Variants in CD247 observed in about 807,000 individuals in gnomAD.
CD247 encodes T-cell surface glycoprotein CD3 zeta chain.
In CD247, 13 loss-of-function variants were observed where a neutral mutation model predicts 30.0. That is an observed-to-expected ratio of 0.43 (90% CI 0.28 to 0.69). The LOEUF (loss-of-function observed/expected upper bound fraction) is 0.69, where lower values mean the gene tolerates loss of function less well. CD247 is among the 30% of genes least tolerant of loss of function. The pLI is 0.16. For missense variants in CD247, 193 were observed against 212.6 expected (o/e 0.91, Z 0.57); for synonymous variants, 72 against 80.0 (o/e 0.90, Z 0.53).
intron 4 of CD247, among the ~76,000 whole-genome samples, chr1:167,435,715 A>G (rs1557992904): frequency 6.6e-6 from 1 of 152,362 alleles, no homozygotes; most frequent in East Asian, 1.9e-4. Flanking sequence ...GGACGCCCAC[A>G]CACATCACAA....
chr1:167,464,930 TAAC>T (rs898752741), intron 1 of CD247, among the ~76,000 whole-genome samples: 1 of 152,056 alleles, frequency 6.6e-6, no homozygotes, highest in African/African-American at 2.4e-5. Flanking sequence ...AAAAAACAAA[TAAC>T]AACAAAAAAA....
chr1:167,513,413 A>T (rs858552), intron 1 of CD247, among the ~76,000 whole-genome samples: 94,668 of 151,996 alleles, frequency 0.62, 30,821 homozygotes, highest in African/African-American at 0.81. Flanking sequence ...TTTGAAAAAA[A>T]TTTAATTAAA....
intron 1 of CD247, among the ~76,000 whole-genome samples, chr1:167,477,515 GT>G (rs375701446): frequency 2.0e-5 from 3 of 152,240 alleles, no homozygotes; most frequent in African/African-American, 7.2e-5. Context: ...GCTGTGAAGT[GT>G]TTTTTGTTTT....
intron 4 of CD247, among the ~76,000 whole-genome samples, chr1:167,437,859 T>C (rs1651621695): frequency 6.6e-6 from 1 of 152,242 alleles, no homozygotes; most frequent in Admixed American, 6.5e-5. Context: ...TAAGAGTAAG[T>C]TGCTAATGTT....
At chr1:167,516,567 G>A (rs1230651237) in intron 1 of CD247, among the ~76,000 whole-genome samples, 1 of 152,198 alleles carries the variant, frequency 6.6e-6, no homozygotes, top group Non-Finnish European at 1.5e-5. Context: ...GTCCCCTCAG[G>A]CAGCAAAAGC....
chr1:167,485,814 A>G (rs181342695), intron 1 of CD247, among the ~76,000 whole-genome samples: 48 of 152,180 alleles, frequency 3.2e-4, no homozygotes, highest in Non-Finnish European at 6.5e-4. Context: ...CCAAAACAAT[A>G]TGACTTTTAC....
chr1:167,495,368 A>T (rs144917963), intron 1 of CD247, among the ~76,000 whole-genome samples: 4 of 152,170 alleles, frequency 2.6e-5, no homozygotes, highest in Non-Finnish European at 5.9e-5. Flanking sequence ...ATACTCATAA[A>T]TGACAGAGGT....
At chr1:167,462,657 G>A (rs1047063718) in intron 1 of CD247, among the ~76,000 whole-genome samples, 5 of 152,172 alleles carry the variant, frequency 3.3e-5, no homozygotes, top group Non-Finnish European at 7.4e-5. Context: ...GGTTCCCGCC[G>A]CTGGGCCATT....
intron 1 of CD247, among the ~76,000 whole-genome samples, chr1:167,467,110 T>C (rs1259884720): frequency 1.3e-5 from 2 of 151,910 alleles, no homozygotes; most frequent in African/African-American, 4.8e-5. Context: ...AGTGCTGGGA[T>C]TACAGGCGTG....
intron 1 of CD247, among the ~76,000 whole-genome samples, chr1:167,510,545 T>G (rs953612563): frequency 3.9e-5 from 6 of 152,270 alleles, no homozygotes; most frequent in African/African-American, 1.4e-4. Flanking sequence ...GGGGAACAGG[T>G]TGCAACCTCT....
chr1:167,501,879 G>T (rs956624515), intron 1 of CD247, among the ~76,000 whole-genome samples: 7 of 152,242 alleles, frequency 4.6e-5, no homozygotes, highest in Non-Finnish European at 1.0e-4. Flanking sequence ...AGAGGAGCAC[G>T]CAGGTAGAAC....
intron 5 of CD247, chr1:167,434,924 C>G (rs1302631189): frequency 2.3e-6 from 1 of 429,340 alleles, no homozygotes; most frequent in Non-Finnish European, 4.6e-6. Context: ...TCCAGCCCTT[C>G]CTCCAGCCCT....
chr1:167,453,037 A>ATATATATATAT (rs61444607), intron 1 of CD247, among the ~76,000 whole-genome samples: 1 of 98,916 alleles, frequency 1.0e-5, no homozygotes, highest in African/African-American at 5.3e-5. Context: ...GATATATATT[A>ATATATATATAT]TATATATATA....
At chr1:167,450,246 A>C (rs1432089118) in intron 1 of CD247, among the ~76,000 whole-genome samples, 1 of 152,240 alleles carries the variant, frequency 6.6e-6, no homozygotes, top group East Asian at 1.9e-4. Flanking sequence ...CTGTAATCCC[A>C]ACACTTGGCG....
chr1:167,499,781 G>A (rs1293500332), intron 1 of CD247, among the ~76,000 whole-genome samples: 1 of 152,152 alleles, frequency 6.6e-6, no homozygotes, highest in Admixed American at 6.5e-5. Flanking sequence ...CCAGAAGAAT[G>A]GAATTCAAAC....
In CD247 at chr1:167,440,388, G is replaced by T. The variant is rs1022801853; in HGVS notation, c.162+276C>A. On this transcript the variant is annotated intron_variant, in intron 2 of 7. Coordinates refer to ENST00000362089, the MANE Select transcript of CD247 (RefSeq NM_198053.3). Reference sequence around the variant, plus strand: ...AAGCCCCTTTGTCACCAGTAGCATCGCCTTCCCTGGGACACTCTGATGTGC... The same window carrying T: ...AAGCCCCTTTGTCACCAGTAGCATCTCCTTCCCTGGGACACTCTGATGTGC... The T allele has an allele frequency of 3.0e-5, 15 of 502,378 alleles. No homozygotes were observed. In the Admixed American group the frequency reaches 4.9e-4, roughly 16 times the overall value. The allele number at this position is 502,378 out of a possible 1,614,324, so 31.1% of individuals were successfully genotyped here. A position where few individuals can be genotyped will look rare whatever the true frequency, so the allele number is the denominator to read the frequency against.
At chr1:167,470,586 C>T (rs1571556868) in intron 1 of CD247, among the ~76,000 whole-genome samples, 1 of 148,762 alleles carries the variant, frequency 6.7e-6, no homozygotes, top group Non-Finnish European at 1.5e-5. Flanking sequence ...CAAAAACCAA[C>T]CACTCAAACA....
chr1:167,490,657 G>A (rs1222322156), intron 1 of CD247, among the ~76,000 whole-genome samples: 3 of 152,072 alleles, frequency 2.0e-5, no homozygotes, highest in African/African-American at 4.8e-5. Context: ...TGAAGGTCGG[G>A]TACAGTGACT....
intron 6 of CD247, among the ~76,000 whole-genome samples, chr1:167,433,745 C>T (rs1284171549): frequency 2.0e-5 from 3 of 152,216 alleles, no homozygotes; most frequent in African/African-American, 4.8e-5. Context: ...ATTAAGCACT[C>T]GATGCTTCCT....
Sources: gnomAD v4.1 joint callset for allele counts (sites outside exome capture counted in the v4.1 genomes callset) on GRCh38, gnomAD v4.1.1 for gene constraint, MANE v1.5 for transcripts, NCBI Gene and HGNC (gene_info 2026-07-23, HGNC 2026-07-21) for gene names.